GABRB2: variants seen among roughly 807,000 people sequenced by gnomAD.
GABRB2 encodes gamma-aminobutyric acid type A receptor subunit beta2.
A neutral mutation model predicts 54.7 loss-of-function variants in GABRB2; 16 were observed. That is an observed-to-expected ratio of 0.29 (90% CI 0.20 to 0.44). The LOEUF (loss-of-function observed/expected upper bound fraction) is 0.44. Among genes scored for constraint, GABRB2 ranks in the 20% least tolerant of loss-of-function variants. The pLI is 1.00. For synonymous variants in GABRB2, 244 were observed against 233.8 expected (o/e 1.04, Z -0.40); for missense variants, 355 against 644.0 (o/e 0.55, Z 4.86).
At position 161,294,012 on chromosome 5, in the gene GABRB2, G is replaced by A. The variant is rs1757305063; in HGVS notation, c.*69C>T. On this transcript the variant is annotated 3_prime_UTR_variant, in exon 10 of 10. Transcript: ENST00000393959. ...TGTCCTGGATTGATGTGTTTTCCAAGTCCTACATCAGGCTGTACAACTGGT... is the reference window on the plus strand; with the variant it reads ...TGTCCTGGATTGATGTGTTTTCCAAATCCTACATCAGGCTGTACAACTGGT... The A allele has an allele frequency of 2.5e-6, 3 of 1,200,838 alleles. No individual in the cohort carries two copies. The highest frequency in any genetic ancestry group is 3.6e-6 in the Non-Finnish European group (3 of 834,364). The allele number at this position is 1,200,838 out of a possible 1,614,324, so 74.4% of individuals were successfully genotyped here.
chr5:161,547,450 C>G (rs1051578458), upstream of GABRB2, among the ~76,000 whole-genome samples: 1 of 152,110 alleles, frequency 6.6e-6, no homozygotes, highest in Non-Finnish European at 1.5e-5. Flanking sequence ...TCACTACTCA[C>G]GAGCGATTTC....
At chr5:161,302,286 T>C (rs924096852) in intron 9 of GABRB2, among the ~76,000 whole-genome samples, 3 of 152,230 alleles carry the variant, frequency 2.0e-5, no homozygotes, top group Non-Finnish European at 4.4e-5. Context: ...GAAACAGGCT[T>C]GGTTAACAGA....
chr5:161,372,205 C>T (rs939567898), intron 5 of GABRB2, among the ~76,000 whole-genome samples: 3 of 152,110 alleles, frequency 2.0e-5, no homozygotes, highest in Non-Finnish European at 2.9e-5. Context: ...TTCAGGTCCT[C>T]ATTTTATATA....
At chr5:161,485,789 A>C (rs1469325635) in intron 3 of GABRB2, among the ~76,000 whole-genome samples, 1 of 151,612 alleles carries the variant, frequency 6.6e-6, no homozygotes, top group African/African-American at 2.4e-5. Flanking sequence ...CAATTCTGCA[A>C]CTCCTATTGT....
chr5:161,454,558 T>C (rs185821771), intron 4 of GABRB2, among the ~76,000 whole-genome samples: 1 of 152,304 alleles, frequency 6.6e-6, no homozygotes, highest in Admixed American at 6.5e-5. Context: ...TAATTTCCCA[T>C]CCATGCTTCC....
intron 4 of GABRB2, among the ~76,000 whole-genome samples, chr5:161,445,427 CA>C (rs1757589373): frequency 6.6e-6 from 1 of 152,016 alleles, no homozygotes; most frequent in Non-Finnish European, 1.5e-5. Flanking sequence ...CTAAGCCCCC[CA>C]ATCCCCACCA....
intron 9 of GABRB2, among the ~76,000 whole-genome samples, chr5:161,299,979 C>G (rs1320532316): frequency 6.6e-6 from 1 of 152,062 alleles, no homozygotes; most frequent in Non-Finnish European, 1.5e-5. Flanking sequence ...TAGGCTAGGA[C>G]CTAAAGAACA....
chr5:161,346,294 T>C (rs1314223135), intron 5 of GABRB2, among the ~76,000 whole-genome samples: 1 of 152,084 alleles, frequency 6.6e-6, no homozygotes, highest in South Asian at 2.1e-4. Context: ...CTGCCACAAT[T>C]TTCTCCAGAA....
At chr5:161,460,523 T>C (rs1758091938) in intron 3 of GABRB2, among the ~76,000 whole-genome samples, 1 of 152,218 alleles carries the variant, frequency 6.6e-6, no homozygotes, top group Non-Finnish European at 1.5e-5. Flanking sequence ...CTTCCCAAAG[T>C]GGAGTACACG....
chr5:161,510,901 G>T (rs1044937322), intron 3 of GABRB2, among the ~76,000 whole-genome samples: 25 of 151,864 alleles, frequency 1.6e-4, no homozygotes, highest in Non-Finnish European at 1.5e-4. Context: ...TTCATCCCTT[G>T]AAGTAATATC....
At chr5:161,391,382 A>G (rs749463840) in intron 5 of GABRB2, among the ~76,000 whole-genome samples, 4 of 152,224 alleles carry the variant, frequency 2.6e-5, no homozygotes, top group Non-Finnish European at 5.9e-5. Flanking sequence ...GTTTTTAAAC[A>G]ATCTGTGATA....
At chr5:161,502,440 G>A (rs1042421260) in intron 3 of GABRB2, among the ~76,000 whole-genome samples, 1 of 152,036 alleles carries the variant, frequency 6.6e-6, no homozygotes, top group Admixed American at 6.6e-5. Flanking sequence ...AGCAATACGA[G>A]ATGAAAACAT....
chr5:161,462,564 T>C (rs953931109), intron 3 of GABRB2, among the ~76,000 whole-genome samples: 19 of 152,128 alleles, frequency 1.2e-4, no homozygotes, highest in Non-Finnish European at 2.4e-4. Context: ...ATAATACCGT[T>C]TGGAAGGTGC....
At chr5:161,343,596 G>T (rs180716002) in intron 5 of GABRB2, among the ~76,000 whole-genome samples, 1 of 151,900 alleles carries the variant, frequency 6.6e-6, no homozygotes, top group South Asian at 2.1e-4. Context: ...ATTTTCTTAC[G>T]TATGTTTAGA....
At chr5:161,540,986 C>T (rs1045856785) in intron 3 of GABRB2, among the ~76,000 whole-genome samples, 2 of 152,114 alleles carry the variant, frequency 1.3e-5, no homozygotes, top group Non-Finnish European at 2.9e-5. Flanking sequence ...GCTGGGACTA[C>T]AGGCACATGC....
At chr5:161,404,785 T>C (rs1349167009) in intron 5 of GABRB2, among the ~76,000 whole-genome samples, 2 of 152,132 alleles carry the variant, frequency 1.3e-5, no homozygotes, top group South Asian at 4.1e-4. Context: ...CTCAGAGGTA[T>C]ATGCATATGG....
intron 9 of GABRB2, among the ~76,000 whole-genome samples, chr5:161,315,866 C>A (rs1758013611): frequency 6.6e-6 from 1 of 152,142 alleles, no homozygotes; most frequent in Non-Finnish European, 1.5e-5. Flanking sequence ...ACAGAAATCA[C>A]ATCCGAAGCA....
intron 3 of GABRB2, among the ~76,000 whole-genome samples, chr5:161,526,871 A>G (rs961803620): frequency 1.3e-5 from 2 of 151,512 alleles, no homozygotes; most frequent in African/African-American, 4.8e-5. Flanking sequence ...AACATAACAG[A>G]ACATGTATAA....
intron 5 of GABRB2, among the ~76,000 whole-genome samples, chr5:161,339,750 G>C (rs1399767159): frequency 6.6e-6 from 1 of 151,980 alleles, no homozygotes; most frequent in Non-Finnish European, 1.5e-5. Context: ...CTGCAAGTTA[G>C]TTACTTTTGT....
Sources: allele counts gnomAD v4.1 joint callset (sites outside exome capture counted in the v4.1 genomes callset), GRCh38; gene constraint gnomAD v4.1.1; transcripts MANE v1.5; gene names NCBI Gene and HGNC (gene_info 2026-07-23, HGNC 2026-07-21).